CLEC16A: variants seen among roughly 807,000 people sequenced by gnomAD.
The protein encoded by CLEC16A is C-type lectin domain containing 16A.
CLEC16A carries 51 observed loss-of-function variants against 109.5 expected under a neutral mutation model. That is an observed-to-expected ratio of 0.47 (90% CI 0.37 to 0.59). CLEC16A has a LOEUF of 0.59. CLEC16A is among the 20% of genes least tolerant of loss of function. The pLI is 0.00. For synonymous variants in CLEC16A, 673 were observed against 564.2 expected (o/e 1.19, Z -2.73); for missense variants, 1,339 against 1,394.0 (o/e 0.96, Z 0.63).
chr16:11,006,632 G>A (rs1337601653), intron 11 of CLEC16A, among the ~76,000 whole-genome samples: 1 of 152,166 alleles, frequency 6.6e-6, no homozygotes, highest in Non-Finnish European at 1.5e-5. Context: ...GAAAATACAG[G>A]AGTAAAAAAG....
At chr16:11,031,319 G>GCTC (rs1391087945) in intron 13 of CLEC16A, among the ~76,000 whole-genome samples, 1 of 151,820 alleles carries the variant, frequency 6.6e-6, no homozygotes, top group Non-Finnish European at 1.5e-5. Flanking sequence ...CAGTGGGCAA[G>GCTC]CTCCTCATCT....
At chr16:11,070,355 C>T (rs1483009539) in intron 19 of CLEC16A, among the ~76,000 whole-genome samples, 4 of 151,976 alleles carry the variant, frequency 2.6e-5, no homozygotes, top group African/African-American at 9.6e-5. Context: ...CAGGCGTGAG[C>T]CACTGCACCC....
At chr16:11,006,642 G>C (rs971676594) in intron 11 of CLEC16A, among the ~76,000 whole-genome samples, 1 of 152,184 alleles carries the variant, frequency 6.6e-6, no homozygotes, top group Admixed American at 6.5e-5. Context: ...GAGTAAAAAA[G>C]GCATGTGGTC....
At chr16:11,005,656 T>C (rs1042643881) in intron 11 of CLEC16A, among the ~76,000 whole-genome samples, 4 of 152,238 alleles carry the variant, frequency 2.6e-5, no homozygotes, top group Non-Finnish European at 4.4e-5. Context: ...ATTTGCTCTC[T>C]TGATTATTTG....
chr16:10,973,635 C>G (rs1019320635), intron 7 of CLEC16A, among the ~76,000 whole-genome samples: 1 of 151,908 alleles, frequency 6.6e-6, no homozygotes, highest in Non-Finnish European at 1.5e-5. Flanking sequence ...GTGGGGTGAT[C>G]ATGGCTCACT....
intron 7 of CLEC16A, among the ~76,000 whole-genome samples, chr16:10,976,414 C>G (rs551200434): frequency 6.6e-6 from 1 of 150,598 alleles, no homozygotes; most frequent in African/African-American, 2.5e-5. Context: ...GATGTGACTA[C>G]TACTAGGAGA....
chr16:10,995,953 G>C (rs1183038048), intron 10 of CLEC16A, among the ~76,000 whole-genome samples: 1 of 152,158 alleles, frequency 6.6e-6, no homozygotes, highest in East Asian at 1.9e-4. Context: ...TATCACAACA[G>C]CTTTGATAGA....
chr16:11,081,460 C>T (rs2049712813), intron 19 of CLEC16A, among the ~76,000 whole-genome samples: 1 of 152,168 alleles, frequency 6.6e-6, no homozygotes, highest in East Asian at 1.9e-4. Context: ...GCTGTGGCGC[C>T]TCCAGGTAGG....
At chr16:10,984,304 C>T (rs1567541650) in intron 10 of CLEC16A, among the ~76,000 whole-genome samples, 1 of 152,148 alleles carries the variant, frequency 6.6e-6, no homozygotes, top group Non-Finnish European at 1.5e-5. Flanking sequence ...GAAAAGCTTC[C>T]CAGAAACTCT....
intron 22 of CLEC16A, among the ~76,000 whole-genome samples, chr16:11,141,761 G>C (rs946044953): frequency 1.3e-5 from 2 of 152,216 alleles, no homozygotes; most frequent in African/African-American, 4.8e-5. Context: ...TGATGGCGGT[G>C]GGGACAGCGT....
At chr16:11,098,042 C>G (rs374869997) in intron 19 of CLEC16A, among the ~76,000 whole-genome samples, 6 of 152,178 alleles carry the variant, frequency 3.9e-5, no homozygotes, top group African/African-American at 1.4e-4. Context: ...CGCCCGGTGC[C>G]CAGGTCACAC....
intron 19 of CLEC16A, among the ~76,000 whole-genome samples, chr16:11,069,374 C>A (rs2048936430): frequency 6.6e-6 from 1 of 151,938 alleles, no homozygotes; most frequent in African/African-American, 2.4e-5. Flanking sequence ...AGCAATCCAC[C>A]CACCTTGGCC....
chr16:11,012,226 T>C (rs2045465311), intron 11 of CLEC16A, among the ~76,000 whole-genome samples: 2 of 152,130 alleles, frequency 1.3e-5, no homozygotes, highest in Non-Finnish European at 2.9e-5. Flanking sequence ...CGAAAACATA[T>C]CTAACTTCTA....
intron 22 of CLEC16A, among the ~76,000 whole-genome samples, chr16:11,130,308 A>G (rs2053117869): frequency 6.6e-6 from 1 of 152,170 alleles, no homozygotes; most frequent in African/African-American, 2.4e-5. Context: ...CCTTCTCTGA[A>G]CACGGGAAGA....
chr16:11,093,311 CTT>C (rs2050420543), intron 19 of CLEC16A, among the ~76,000 whole-genome samples: 1 of 152,230 alleles, frequency 6.6e-6, no homozygotes, highest in African/African-American at 2.4e-5. Flanking sequence ...AACAAAGCCA[CTT>C]TTCCTCAGCC....
intron 3 of CLEC16A, among the ~76,000 whole-genome samples, chr16:10,963,829 T>C (rs927046095): frequency 6.6e-6 from 1 of 152,176 alleles, no homozygotes. Context: ...AAAAACATTC[T>C]TGGGGGTGCT....
intron 11 of CLEC16A, 21 bp downstream of exon 11, chr16:11,003,326 C>A: frequency 6.3e-7 from 1 of 1,593,884 alleles, no homozygotes; most frequent in Non-Finnish European, 8.6e-7. Flanking sequence ...CCATGAACGC[C>A]GCCCTGTGCC....
chr16:11,138,338 G>A (rs2053665386), intron 22 of CLEC16A, among the ~76,000 whole-genome samples: 1 of 152,242 alleles, frequency 6.6e-6, no homozygotes. Context: ...GGGATGAACA[G>A]AGAGCTGGGA....
chr16:10,968,411 G>A (rs539231111), intron 3 of CLEC16A, among the ~76,000 whole-genome samples: 59 of 152,342 alleles, frequency 3.9e-4, no homozygotes, highest in African/African-American at 1.3e-3. Flanking sequence ...GCAGGGCCAG[G>A]CGCTGGGAGC....
Sources: gnomAD v4.1 joint callset for allele counts (sites outside exome capture counted in the v4.1 genomes callset) on GRCh38, gnomAD v4.1.1 for gene constraint, MANE v1.5 for transcripts, NCBI Gene and HGNC (gene_info 2026-07-23, HGNC 2026-07-21) for gene names.